Variants in IDO1 observed in about 807,000 individuals in gnomAD.
The protein encoded by IDO1 is indolamine 2,3 dioxygenase.
A neutral mutation model predicts 38.8 loss-of-function variants in IDO1; 35 were observed. That is an observed-to-expected ratio of 0.90 (90% CI 0.69 to 1.20). The LOEUF is 1.20. Ranked by LOEUF, IDO1 falls within the 50% of genes most tolerant of loss-of-function variation. The pLI is 0.00. For missense variants in IDO1, 509 were observed against 485.1 expected, an observed-to-expected ratio of 1.05 and a Z score of -0.46; for synonymous variants, 171 against 170.0, an observed-to-expected ratio of 1.01 and a Z score of -0.05.
intron 1 of IDO1, among the ~76,000 whole-genome samples, chr8:39,916,155 G>A (rs1383278286): frequency 6.6e-6 from 1 of 151,542 alleles, no homozygotes; most frequent in East Asian, 1.9e-4. Flanking sequence ...GACAGAGCGA[G>A]ACTCCATCTC....
At chr8:39,924,171 G>T (rs1006315102) in intron 7 of IDO1, among the ~76,000 whole-genome samples, 35 of 152,086 alleles carry the variant, frequency 2.3e-4, no homozygotes, top group African/African-American at 8.2e-4. Context: ...AGTTATTGCT[G>T]TTTAGTCCTT....
At position 39,918,917 on chromosome 8, in the gene IDO1, A is replaced by C. The variant is rs1807226999; in HGVS notation, c.406A>C (p.Lys136Gln). ...YADCVLANWKKKDPNKPLTYE... is the reference protein window; with the variant it reads ...YADCVLANWKQKDPNKPLTYE... ...AGACTGTGTCTTGGCAAACTGGAAG[A>C]AAAAGGATCCTAATAAGTATGTAAA... Residue 136 changes from lysine to glutamine, a missense_variant, in exon 4 of 10, where the codon AAA (lysine) becomes CAA (glutamine). Coordinates refer to ENST00000518237, the MANE Select transcript of IDO1 (RefSeq NM_002164.6). The C allele has an allele frequency of 1.3e-6, 2 of 1,584,060 alleles. No homozygotes were observed. Among genetic ancestry groups the C allele is most frequent in the African/African-American group, 1.3e-5 (1 of 74,288 alleles).
At position 39,924,715 on chromosome 8, in the gene IDO1, T is replaced by G; in HGVS notation, c.656-6T>G. 1 of 1,594,808 alleles carries G rather than the reference T, an allele frequency of 6.3e-7. No homozygotes were observed. Among genetic ancestry groups the G allele is most frequent in the Non-Finnish European group, 8.6e-7 (1 of 1,163,162 alleles). ...GCTTAATTAAACATATTCCATCTTT[T>G]TACAGATCATGTGAACCCAAAAGCA... is the stretch of plus-strand genomic sequence containing the variant. On this transcript the variant is annotated splice_region_variant and splice_polypyrimidine_tract_variant and intron_variant, in intron 7 of 9. Coordinates refer to ENST00000518237, the MANE Select transcript of IDO1 (RefSeq NM_002164.6).
chr8:39,919,258 C>T (rs1318312964), intron 4 of IDO1, among the ~76,000 whole-genome samples: 1 of 152,078 alleles, frequency 6.6e-6, no homozygotes, highest in Non-Finnish European at 1.5e-5. Flanking sequence ...TTCTTTGTGC[C>T]TCTTTCAATT....
chr8:39,918,191 A>C lies in IDO1; in HGVS notation c.287A>C (p.His96Pro). Residue 96 changes from histidine to proline, a missense_variant, in exon 3 of 10, where the codon CAT (histidine) becomes CCT (proline). Coordinates refer to ENST00000518237, the MANE Select transcript of IDO1 (RefSeq NM_002164.6). The part of the protein sequence containing the change: ...ITMAYVWGKG[H>P]GDVRKVLPRN... Reference sequence around the variant, plus strand: ...ATGGCATATGTGTGGGGCAAAGGTCATGGAGATGTCCGTAAGGTTTGGAGA... The same window carrying C: ...ATGGCATATGTGTGGGGCAAAGGTCCTGGAGATGTCCGTAAGGTTTGGAGA... 1 of 1,612,870 alleles carries C rather than the reference A, an allele frequency of 6.2e-7. No individual in the cohort carries two copies. The highest frequency in any genetic ancestry group is 1.3e-5 in the African/African-American group (1 of 75,026).
intron 5 of IDO1, chr8:39,920,933 T>C (rs943433204): frequency 6.6e-6 from 1 of 152,152 alleles, no homozygotes; most frequent in Non-Finnish European, 1.5e-5. Flanking sequence ...GAAAATTATG[T>C]AAATTGCGAT....
chr8:39,916,542 G>A (rs576343862), intron 1 of IDO1, among the ~76,000 whole-genome samples: 10 of 151,990 alleles, frequency 6.6e-5, no homozygotes, highest in Non-Finnish European at 1.2e-4. Flanking sequence ...TCACTGTCCC[G>A]GAAACATGAA....
chr8:39,923,417 A>G (rs1045720677), intron 6 of IDO1, 52 bp from the exon 7 acceptor site: 30 of 1,166,750 alleles, frequency 2.6e-5, no homozygotes, highest in Non-Finnish European at 3.5e-5. Flanking sequence ...AAAAAAAAAA[A>G]AAAAGAAAGA....
At position 39,918,164 on chromosome 8, in the gene IDO1, C is replaced by T; in HGVS notation, c.260C>T (p.Thr87Ile). Reference protein sequence around the residue: ...RLARLVLGCITMAYVWGKGHG... With the variant: ...RLARLVLGCIIMAYVWGKGHG... ...GCACGTCTAGTTCTGGGATGCATCACCATGGCATATGTGTGGGGCAAAGGT... is the reference window on the plus strand; with the variant it reads ...GCACGTCTAGTTCTGGGATGCATCATCATGGCATATGTGTGGGGCAAAGGT... Residue 87 changes from threonine to isoleucine, a missense_variant, in exon 3 of 10, where the codon ACC becomes ATC. Coordinates refer to ENST00000518237, the MANE Select transcript of IDO1 (RefSeq NM_002164.6). 1 of 1,613,914 alleles carries T rather than the reference C, an allele frequency of 6.2e-7. No homozygotes were observed. Among genetic ancestry groups the T allele is most frequent in the Non-Finnish European group, 8.5e-7 (1 of 1,179,842 alleles).
At chr8:39,921,003 TGATGGGGG>T (rs1807263481) in intron 5 of IDO1, 1 of 151,392 alleles carries the variant, frequency 6.6e-6, no homozygotes, top group African/African-American at 2.4e-5. Context: ...ATAAAAGGAG[TGATGGGGG>T]AACCCTTGAA....
chr8:39,925,147 T>G (rs1426303447), intron 8 of IDO1, 76 bp from the exon 9 acceptor site: 3 of 1,371,554 alleles, frequency 2.2e-6, no homozygotes, highest in African/African-American at 1.5e-5. Context: ...TCAGCACTAG[T>G]GCAAGATTTG....
chr8:39,923,626 T>C, intron 7 of IDO1, 40 bp downstream of exon 7: 1 of 1,190,248 alleles, frequency 8.4e-7, no homozygotes, highest in Non-Finnish European at 1.2e-6. Flanking sequence ...GGCTGACAAG[T>C]CAAATGTTCC....
intron 4 of IDO1, 31 bp from the exon 5 acceptor site, chr8:39,920,069 T>C: frequency 1.9e-6 from 3 of 1,604,416 alleles, no homozygotes; most frequent in Non-Finnish European, 2.6e-6. Context: ...CTCTTCCAAT[T>C]GGTCCATTGC....
intron 9 of IDO1, among the ~76,000 whole-genome samples, chr8:39,925,743 G>GT (rs1437289950): frequency 6.6e-6 from 1 of 152,082 alleles, no homozygotes; most frequent in East Asian, 1.9e-4. Context: ...AACTAGCTGA[G>GT]TGTGGTGGTG....
chr8:39,925,091 G>A lies in IDO1; in HGVS notation c.708-132G>A, dbSNP rs115664228. ...TGCTTGAAAATGAGCAGGGGCAAGG[G>A]GGTATGAAAAAAGGATCATGAAATC... On this transcript the variant is annotated intron_variant, in intron 8 of 9. Coordinates refer to ENST00000518237, the MANE Select transcript of IDO1 (RefSeq NM_002164.6). The A allele has an allele frequency of 6.2e-4, 496 of 797,718 alleles. 5 individuals are homozygous for A. The African/African-American group carries it at 8.0e-3, about 13-fold the overall frequency. 49.4% of individuals were successfully genotyped at this position (797,718 alleles called of 1,614,324 possible). A position where few individuals can be genotyped will look rare whatever the true frequency, so the allele number is the denominator to read the frequency against.
chr8:39,923,358 C>T (rs1044349219), intron 6 of IDO1, 111 bp from the exon 7 acceptor site: 14 of 605,752 alleles, frequency 2.3e-5, no homozygotes, highest in East Asian at 6.3e-5. Flanking sequence ...GAGCTGAGAT[C>T]GCGCCACTGC....
Position 39,918,174 on chromosome 8 carries a change from T to A in IDO1, c.270T>A (p.Tyr90Ter), listed in dbSNP as rs1481096428. The A allele has an allele frequency of 5.0e-6, 8 of 1,613,944 alleles. No individual in the cohort carries two copies. Among genetic ancestry groups the A allele is most frequent in the Non-Finnish European group, 6.8e-6 (8 of 1,179,828 alleles). ...RLVLGCITMA[Y>*]VWGKGHGDVR... Reference sequence around the variant, plus strand: ...TTCTGGGATGCATCACCATGGCATATGTGTGGGGCAAAGGTCATGGAGATG... The same window carrying A: ...TTCTGGGATGCATCACCATGGCATAAGTGTGGGGCAAAGGTCATGGAGATG... The change falls in exon 3 of 10, where the codon TAT becomes TAA. Residue 90 changes from tyrosine (Y) to a stop codon, truncating the protein, a stop_gained. Coordinates refer to ENST00000518237, the MANE Select transcript of IDO1 (RefSeq NM_002164.6). LOFTEE classifies it high-confidence loss of function.
At chr8:39,923,717 A>T (rs1807315480) in intron 7 of IDO1, 131 bp downstream of exon 7, 2 of 553,234 alleles carry the variant, frequency 3.6e-6, no homozygotes, top group Non-Finnish European at 6.5e-6. Flanking sequence ...TTATCTTACT[A>T]AACCATTCCA....
intron 7 of IDO1, 89 bp from the exon 8 acceptor site, chr8:39,924,632 C>CCAAAATCCATTAT: frequency 1.1e-6 from 1 of 920,478 alleles, no homozygotes; most frequent in Admixed American, 2.0e-5. Flanking sequence ...GCAGCCTGTG[C>CCAAAATCCATTAT]CAAAATCCAT....
Sources: gnomAD v4.1 joint callset for allele counts (sites outside exome capture counted in the v4.1 genomes callset) on GRCh38, gnomAD v4.1.1 for gene constraint, MANE v1.5 for transcripts, NCBI Gene and HGNC (gene_info 2026-07-23, HGNC 2026-07-21) for gene names.